The following TAFA2 variants were observed in gnomAD, a reference collection of about 807,000 sequenced individuals.
TAFA2 encodes the protein TAFA chemokine like family member 2, also known as chemokine-like protein TAFA-2.
In TAFA2, 7 loss-of-function variants were observed where a neutral mutation model predicts 18.8. That is an observed-to-expected ratio of 0.37 (90% CI 0.21 to 0.70). The LOEUF (loss-of-function observed/expected upper bound fraction) is 0.70. Among genes scored for constraint, TAFA2 ranks in the 30% least tolerant of loss-of-function variants. TAFA2 has a pLI of 0.53. For synonymous variants in TAFA2, 60 were observed against 54.2 expected, an observed-to-expected ratio of 1.11 and a Z score of -0.47; for missense variants, 122 against 158.1, an observed-to-expected ratio of 0.77 and a Z score of 1.23.
chr12:62,067,964 G>T (rs1310043081), intron 1 of TAFA2, among the ~76,000 whole-genome samples: 2 of 149,136 alleles, frequency 1.3e-5, no homozygotes, highest in African/African-American at 2.5e-5. Flanking sequence ...AATAATTTTT[G>T]TTTTTACTTT....
intron 2 of TAFA2, among the ~76,000 whole-genome samples, chr12:61,762,633 T>TATATATATATATATATA (rs1555162980): frequency 3.4e-5 from 5 of 147,620 alleles, no homozygotes. Context: ...ATTTCATTTT[T>TATATATATATATATATA]TATATATATA....
intron 4 of TAFA2, among the ~76,000 whole-genome samples, chr12:61,730,871 G>A (rs1870409915): frequency 6.6e-6 from 1 of 152,086 alleles, no homozygotes; most frequent in African/African-American, 2.4e-5. Context: ...GGGATTTCAG[G>A]CTTTGCCCCT....
intron 2 of TAFA2, among the ~76,000 whole-genome samples, chr12:61,758,317 A>G (rs1440894566): frequency 2.0e-5 from 3 of 151,976 alleles, no homozygotes; most frequent in South Asian, 4.1e-4. Flanking sequence ...CGGATGCTTT[A>G]AAAGGATGCT....
intron 1 of TAFA2, among the ~76,000 whole-genome samples, chr12:61,909,980 G>GT (rs1416746577): frequency 6.6e-6 from 1 of 152,074 alleles, no homozygotes; most frequent in Non-Finnish European, 1.5e-5. Context: ...ACAAAAATAC[G>GT]TAAGACAAAT....
chr12:61,820,459 ACT>A (rs1872272375), intron 2 of TAFA2, among the ~76,000 whole-genome samples: 1 of 151,804 alleles, frequency 6.6e-6, no homozygotes, highest in Non-Finnish European at 1.5e-5. Flanking sequence ...TATCTGCCTC[ACT>A]CTCTTTTTAG....
At chr12:62,254,200 GGT>G (rs1431615518) in intron 1 of TAFA2, among the ~76,000 whole-genome samples, 1 of 152,026 alleles carries the variant, frequency 6.6e-6, no homozygotes, top group Non-Finnish European at 1.5e-5. Flanking sequence ...TAGCTGCTCT[GGT>G]CTAAGGGAGG....
chr12:62,060,968 G>A (rs1402731844), intron 1 of TAFA2, among the ~76,000 whole-genome samples: 1 of 151,240 alleles, frequency 6.6e-6, no homozygotes, highest in Non-Finnish European at 1.5e-5. Context: ...TTGTACAGCT[G>A]TAAAATGCAT....
intron 1 of TAFA2, among the ~76,000 whole-genome samples, chr12:61,895,897 AG>A (rs1303889139): frequency 6.6e-6 from 1 of 152,176 alleles, no homozygotes; most frequent in Non-Finnish European, 1.5e-5. Flanking sequence ...GTCAGAAAAC[AG>A]ATTATACCAA....
chr12:62,259,589 T>C (rs2062974244), upstream of TAFA2: 1 of 152,242 alleles, frequency 6.6e-6, no homozygotes, highest in South Asian at 2.1e-4. Flanking sequence ...TCATTTCAGG[T>C]GTACGGCACC....
At position 61,780,545 on chromosome 12, in the gene TAFA2, C is replaced by T. The variant is rs963646296; in HGVS notation, c.107-25521G>A. Reference sequence around the variant, plus strand: ...TTCTCCCAGTCTCTTGCCAGTTTTACAAGCCATGAATATCTTTCTCAAGGG... The same window carrying T: ...TTCTCCCAGTCTCTTGCCAGTTTTATAAGCCATGAATATCTTTCTCAAGGG... On this transcript the variant is annotated intron_variant, in intron 2 of 4. Coordinates refer to ENST00000416284, the MANE Select transcript of TAFA2 (RefSeq NM_178539.5). 4.6e-5 allele frequency among the ~76,000 whole-genome samples: 7 copies of T among 151,784 alleles called. No homozygotes were observed. The South Asian group carries it at 1.2e-3, about 27-fold the overall frequency.
chr12:61,814,436 G>A (rs1036540437), intron 2 of TAFA2, among the ~76,000 whole-genome samples: 1 of 151,168 alleles, frequency 6.6e-6, no homozygotes, highest in African/African-American at 2.5e-5. Flanking sequence ...ATCTTAACCA[G>A]GGAACGGTGT....
At chr12:61,976,692 C>G (rs529389860) in intron 1 of TAFA2, among the ~76,000 whole-genome samples, 1 of 151,944 alleles carries the variant, frequency 6.6e-6, no homozygotes. Context: ...CCCTACCCCA[C>G]GACAGACCCT....
rs565504596 is a variant in TAFA2, at chr12:61,765,261, T to C, written c.107-10237A>G. ...GCCAAGAGTGACCTTGGAAACCATG[T>C]GTAGAAGATTGCAGAGCTACCATAA... On this transcript the variant is annotated intron_variant, in intron 2 of 4. Transcript: ENST00000416284. 7.0e-4 allele frequency among the ~76,000 whole-genome samples: 107 copies of C among 152,198 alleles called. 3 individuals carry two copies. In the South Asian group the frequency reaches 0.019, roughly 27 times the overall value.
intron 1 of TAFA2, among the ~76,000 whole-genome samples, chr12:61,904,238 G>A (rs1397223509): frequency 6.6e-6 from 1 of 152,076 alleles, no homozygotes; most frequent in African/African-American, 2.4e-5. Flanking sequence ...ACCGTACCAG[G>A]TTGAATACAA....
At chr12:61,732,686 T>C (rs1322168974) in intron 4 of TAFA2, among the ~76,000 whole-genome samples, 1 of 151,844 alleles carries the variant, frequency 6.6e-6, no homozygotes, top group Non-Finnish European at 1.5e-5. Flanking sequence ...ATGGTGATGG[T>C]TTGCAATGTT....
At chr12:62,154,821 G>A (rs1363257047) in intron 1 of TAFA2, among the ~76,000 whole-genome samples, 2 of 151,940 alleles carry the variant, frequency 1.3e-5, no homozygotes, top group Non-Finnish European at 2.9e-5. Context: ...TCTTTTTCCT[G>A]TATATTTTAG....
At position 62,207,668 on chromosome 12, in the gene TAFA2, T is replaced by G. The variant is rs565336660; in HGVS notation, c.-130+51095A>C. ...ATTTTCTCCAACATCTGAACCACAGTGGTTCCTAGGGTACAGGGGATGTTC... is the reference window on the plus strand; with the variant it reads ...ATTTTCTCCAACATCTGAACCACAGGGGTTCCTAGGGTACAGGGGATGTTC... On this transcript the variant is annotated intron_variant, in intron 1 of 5. Transcript: ENST00000551619. Among the ~76,000 whole-genome samples, 91 of 152,320 alleles carry G rather than the reference T, an allele frequency of 6.0e-4. 1 individual carries two copies. Among genetic ancestry groups the G allele is most frequent in the African/African-American group, 2.2e-3 (90 of 41,578 alleles).
chr12:61,900,425 C>T (rs1253945200), intron 1 of TAFA2, among the ~76,000 whole-genome samples: 1 of 152,136 alleles, frequency 6.6e-6, no homozygotes, highest in African/African-American at 2.4e-5. Flanking sequence ...CATTATCATG[C>T]TGCTAATAAA....
chr12:61,928,425 TC>T (rs981154804), intron 1 of TAFA2, among the ~76,000 whole-genome samples: 3 of 149,302 alleles, frequency 2.0e-5, no homozygotes, highest in African/African-American at 5.2e-5. Flanking sequence ...GAGCTCATCA[TC>T]AGTGGTCATT....
Sources: allele counts gnomAD v4.1 joint callset (sites outside exome capture counted in the v4.1 genomes callset), GRCh38; gene constraint gnomAD v4.1.1; transcripts MANE v1.5; gene names NCBI Gene and HGNC (gene_info 2026-07-23, HGNC 2026-07-21).